The following SPMIP2 variants were observed in gnomAD, a reference collection of about 807,000 sequenced individuals.
SPMIP2 encodes the protein sperm microtubule inner protein 2.
the SPMIP2 span, among the ~76,000 whole-genome samples, chr4:158,997,733 G>T: frequency 2.0e-5 from 3 of 152,238 alleles, no homozygotes; most frequent in Admixed American, 2.0e-4. Context: ...ACTCACTGCA[G>T]CCTTGAACTC....
the SPMIP2 span, among the ~76,000 whole-genome samples, chr4:159,038,043 C>T: frequency 3.3e-5 from 5 of 151,876 alleles, no homozygotes; most frequent in Non-Finnish European, 5.9e-5. Context: ...TTCAACCAGT[C>T]CACTATTAGT....
the SPMIP2 span, among the ~76,000 whole-genome samples, chr4:158,970,595 C>G: frequency 6.6e-6 from 1 of 151,858 alleles, no homozygotes; most frequent in East Asian, 1.9e-4. Context: ...AAAGAGAGAG[C>G]AGTATGCCTT....
chr4:158,945,122 G>T, the SPMIP2 span, among the ~76,000 whole-genome samples: 7 of 152,170 alleles, frequency 4.6e-5, no homozygotes, highest in African/African-American at 1.7e-4. Context: ...ACACTCATTT[G>T]CATCAGTCCA....
the SPMIP2 span, among the ~76,000 whole-genome samples, chr4:159,020,830 C>T: frequency 1.3e-5 from 2 of 152,142 alleles, no homozygotes; most frequent in African/African-American, 4.8e-5. Flanking sequence ...GGCGCTATCT[C>T]GGCTCACTGC....
the SPMIP2 span, among the ~76,000 whole-genome samples, chr4:158,903,175 A>G: frequency 6.6e-6 from 1 of 152,176 alleles, no homozygotes; most frequent in Admixed American, 6.5e-5. Context: ...AAAGTGCAGT[A>G]TCCAGACTGC....
chr4:159,031,833 G>A, the SPMIP2 span, among the ~76,000 whole-genome samples: 4 of 152,266 alleles, frequency 2.6e-5, no homozygotes, highest in African/African-American at 7.2e-5. Flanking sequence ...GTTCATTGGC[G>A]TGTGTTTTAA....
At chr4:158,904,370 T>C in the SPMIP2 span, 2 of 1,080,650 alleles carry the variant, frequency 1.9e-6, no homozygotes, top group Non-Finnish European at 2.8e-6. Context: ...TCAAACTTAG[T>C]ACCTAGAAAT....
At chr4:158,999,179 A>AC in the SPMIP2 span, among the ~76,000 whole-genome samples, 97,051 of 144,596 alleles carry the variant, frequency 0.67, 31,720 homozygotes, top group Middle Eastern at 0.73. Flanking sequence ...TCAAAAAAAA[A>AC]AACAACAAAA....
At chr4:159,030,532 T>C in the SPMIP2 span, among the ~76,000 whole-genome samples, 4 of 151,988 alleles carry the variant, frequency 2.6e-5, no homozygotes, top group South Asian at 8.3e-4. Flanking sequence ...AGTATCACTC[T>C]GTTGCCCAGG....
chr4:158,965,744 T>C, the SPMIP2 span, among the ~76,000 whole-genome samples: 1 of 151,572 alleles, frequency 6.6e-6, no homozygotes, highest in African/African-American at 2.4e-5. Context: ...GCCAACCTAA[T>C]ACACACTTAA....
At chr4:158,943,768 C>G in the SPMIP2 span, among the ~76,000 whole-genome samples, 1 of 151,906 alleles carries the variant, frequency 6.6e-6, no homozygotes, top group Non-Finnish European at 1.5e-5. Context: ...GTGCTCCACG[C>G]AGTAAGCCCT....
chr4:158,913,039 T>G, the SPMIP2 span, among the ~76,000 whole-genome samples: 1 of 152,170 alleles, frequency 6.6e-6, no homozygotes, highest in Non-Finnish European at 1.5e-5. Context: ...TACTGAAAGA[T>G]TCAGAACTGG....
the SPMIP2 span, among the ~76,000 whole-genome samples, chr4:159,048,547 C>T: frequency 1.3e-5 from 2 of 152,076 alleles, no homozygotes; most frequent in Admixed American, 1.3e-4. Context: ...TAACCTAGAG[C>T]CACCGAGCCA....
the SPMIP2 span, among the ~76,000 whole-genome samples, chr4:158,976,669 T>TA: frequency 7.2e-6 from 1 of 139,072 alleles, no homozygotes; most frequent in Non-Finnish European, 1.5e-5. Flanking sequence ...ATTTTTTTTT[T>TA]TTTTTTTTTT....
chr4:158,986,463 C>G, the SPMIP2 span, among the ~76,000 whole-genome samples: 95,219 of 151,468 alleles, frequency 0.63, 30,253 homozygotes, highest in Middle Eastern at 0.71. Flanking sequence ...CAGAACAAAG[C>G]CCTCAGAAAT....
chr4:158,916,170 C>G, the SPMIP2 span, among the ~76,000 whole-genome samples: 1 of 152,182 alleles, frequency 6.6e-6, no homozygotes, highest in African/African-American at 2.4e-5. Context: ...ATGGCTGGCA[C>G]AGTACAAGGC....
the SPMIP2 span, among the ~76,000 whole-genome samples, chr4:158,946,077 C>T: frequency 6.6e-6 from 1 of 152,106 alleles, no homozygotes; most frequent in Admixed American, 6.5e-5. Context: ...ATTGATAGTG[C>T]CTCTTTCTCA....
At chr4:158,957,026 G>C in the SPMIP2 span, among the ~76,000 whole-genome samples, 39 of 151,958 alleles carry the variant, frequency 2.6e-4, no homozygotes, top group Non-Finnish European at 1.2e-4. Context: ...CCACCTCCCG[G>C]GTTCAAGTGA....
chr4:158,970,509 C>T, the SPMIP2 span, among the ~76,000 whole-genome samples: 1 of 151,410 alleles, frequency 6.6e-6, no homozygotes, highest in East Asian at 1.9e-4. Context: ...CACTGTACTC[C>T]AGCCTGGGGG....
Sources: gnomAD v4.1 joint callset for allele counts (sites outside exome capture counted in the v4.1 genomes callset) on GRCh38, gnomAD v4.1.1 for gene constraint, MANE v1.5 for transcripts, NCBI Gene and HGNC (gene_info 2026-07-23, HGNC 2026-07-21) for gene names.